Variants in LARGE1 observed in about 807,000 individuals in gnomAD.
LARGE1 encodes xylosyl- and glucuronyltransferase LARGE1.
Under a neutral mutation model 87.6 loss-of-function variants are expected in LARGE1, and 43 were observed. That is an observed-to-expected ratio of 0.49 (90% CI 0.38 to 0.63). LARGE1 has a LOEUF of 0.63. LARGE1 is among the 30% of genes least tolerant of loss of function. The pLI is 0.00. For missense variants in LARGE1, 802 were observed against 1,000.2 expected, an observed-to-expected ratio of 0.80 and a Z score of 2.67; for synonymous variants, 434 against 394.6, an observed-to-expected ratio of 1.10 and a Z score of -1.18.
intron 5 of LARGE1, among the ~76,000 whole-genome samples, chr22:33,568,564 C>A (rs935070833): frequency 3.9e-5 from 6 of 152,096 alleles, no homozygotes; most frequent in African/African-American, 1.4e-4. Context: ...GTTGGGAGTT[C>A]GAGACCAGCC....
chr22:33,218,511 C>G (rs1391072933), intron 11 of LARGE1, among the ~76,000 whole-genome samples: 2 of 152,172 alleles, frequency 1.3e-5, no homozygotes, highest in African/African-American at 4.8e-5. Flanking sequence ...TCTTCCAAAT[C>G]CCCATAACAC....
chr22:33,480,189 C>A (rs897422116), intron 6 of LARGE1, among the ~76,000 whole-genome samples: 3 of 152,174 alleles, frequency 2.0e-5, no homozygotes, highest in Non-Finnish European at 4.4e-5. Context: ...GGAACAGGCA[C>A]CCTGGACGGC....
intron 2 of LARGE1, among the ~76,000 whole-genome samples, chr22:33,671,778 A>G (rs1029779663): frequency 1.3e-5 from 2 of 152,290 alleles, no homozygotes; most frequent in East Asian, 1.9e-4. Flanking sequence ...AGCATGTGGG[A>G]GTTATTGATA....
At chr22:33,570,973 A>G (rs2078183725) in intron 5 of LARGE1, among the ~76,000 whole-genome samples, 1 of 152,120 alleles carries the variant, frequency 6.6e-6, no homozygotes, top group African/African-American at 2.4e-5. Flanking sequence ...CCCCATAGAG[A>G]AGTCAACACC....
chr22:33,502,627 GGC>G (rs1425590621), intron 6 of LARGE1, among the ~76,000 whole-genome samples: 35 of 152,202 alleles, frequency 2.3e-4, no homozygotes, highest in African/African-American at 8.4e-4. Context: ...GGAGTGCAGT[GGC>G]GTGATCTCGG....
chr22:33,238,481 T>G (rs1034897148), intron 11 of LARGE1, among the ~76,000 whole-genome samples: 5 of 152,156 alleles, frequency 3.3e-5, no homozygotes, highest in South Asian at 2.1e-4. Flanking sequence ...ATTAGAACAT[T>G]TAAACAATCT....
rs111657762 is a variant in LARGE1, at chr22:33,305,844, C to CTT, written c.1452-1339_1452-1338dup. ...ACCAGAAACATTTCTTTTTCTTTTT[C>CTT]TTTTTTTTTTTTTTGAGGCGGAGTC... On this transcript the variant is annotated intron_variant, in intron 11 of 14. Transcript: ENST00000397394. Among the ~76,000 whole-genome samples, 279 of 136,880 alleles carry CTT rather than the reference C, an allele frequency of 2.0e-3. 2 individuals carry two copies. Among genetic ancestry groups the CTT allele is most frequent in the African/African-American group, 5.7e-3 (200 of 34,922 alleles). The allele number at this position is 136,880 out of a possible 152,430, so 89.8% of individuals were successfully genotyped here. A position where few individuals can be genotyped will look rare whatever the true frequency, so the allele number is the denominator to read the frequency against.
chr22:33,205,997 C>T (rs189507361), intron 11 of LARGE1, among the ~76,000 whole-genome samples: 87 of 135,434 alleles, frequency 6.4e-4, no homozygotes, highest in Non-Finnish European at 1.0e-3. Context: ...CTCTGTTGTC[C>T]AGGCTGGAGT....
At chr22:33,813,438 C>T (rs1403516351) in intron 1 of LARGE1, among the ~76,000 whole-genome samples, 2 of 152,074 alleles carry the variant, frequency 1.3e-5, no homozygotes, top group Admixed American at 6.6e-5. Context: ...GTCCCACACA[C>T]ACATCTTGGT....
At position 33,604,665 on chromosome 22, in the gene LARGE1, C is replaced by T. The variant is rs558057160; in HGVS notation, c.492-107G>A. On this transcript the variant is annotated intron_variant, in intron 4 of 14. Transcript: ENST00000397394. ...TTCCTACGGTGGGGCACGTTTCTAACGGCAATTGTGAAAGTAAATCTGGAA... is the reference window on the plus strand; with the variant it reads ...TTCCTACGGTGGGGCACGTTTCTAATGGCAATTGTGAAAGTAAATCTGGAA... 2.5e-5 allele frequency: 35 copies of T among 1,412,162 alleles called. No homozygotes were observed. In the East Asian group the frequency reaches 3.0e-4, roughly 12 times the overall value. 87.5% of individuals were successfully genotyped at this position (1,412,162 alleles called of 1,614,324 possible).
At chr22:33,519,231 C>CGTGTGT (rs769245398) in intron 6 of LARGE1, among the ~76,000 whole-genome samples, 56 of 134,634 alleles carry the variant, frequency 4.2e-4, no homozygotes, top group African/African-American at 8.4e-4. Flanking sequence ...CGTGCGTGCG[C>CGTGTGT]GCGCGTGTGT....
chr22:33,497,952 G>A (rs1283572333), intron 6 of LARGE1, among the ~76,000 whole-genome samples: 2 of 152,092 alleles, frequency 1.3e-5, no homozygotes, highest in Admixed American at 6.6e-5. Flanking sequence ...GTATCATCTC[G>A]GCTCACTGCA....
At position 33,469,886 on chromosome 22, in the gene LARGE1, C is replaced by CTTT. The variant is rs537465362; in HGVS notation, c.788-37624_788-37622dup. Reference sequence around the variant, plus strand: ...CCATCTATTGGGTGCTATGTTTACTCTTTTTTTTTTTTTTTTTTTCTGACA... The same window carrying CTTT: ...CCATCTATTGGGTGCTATGTTTACTCTTTTTTTTTTTTTTTTTTTTTTCTGACA... On this transcript the variant is annotated intron_variant, in intron 6 of 14. Coordinates refer to ENST00000397394, the MANE Select transcript of LARGE1 (RefSeq NM_133642.5). Among the ~76,000 whole-genome samples the CTTT allele has an allele frequency of 4.3e-5, 5 of 117,016 alleles. No individual in the cohort carries two copies. In the East Asian group the frequency reaches 7.5e-4, roughly 18 times the overall value. The allele number at this position is 117,016 out of a possible 152,430, so 76.8% of individuals were successfully genotyped here. A position where few individuals can be genotyped will look rare whatever the true frequency, so the allele number is the denominator to read the frequency against.
At chr22:33,511,394 T>C (rs2071047933) in intron 6 of LARGE1, among the ~76,000 whole-genome samples, 1 of 152,160 alleles carries the variant, frequency 6.6e-6, no homozygotes, top group Non-Finnish European at 1.5e-5. Flanking sequence ...TTTAAAGAGG[T>C]TTTCTGTGTT....
At chr22:33,448,791 A>G (rs1253429695) in intron 6 of LARGE1, among the ~76,000 whole-genome samples, 1 of 150,960 alleles carries the variant, frequency 6.6e-6, no homozygotes, top group Non-Finnish European at 1.5e-5. Context: ...TTTTAAGTGC[A>G]GTTCAGCAAA....
At chr22:33,537,174 G>A (rs1443014514) in intron 6 of LARGE1, among the ~76,000 whole-genome samples, 2 of 152,234 alleles carry the variant, frequency 1.3e-5, no homozygotes, top group African/African-American at 4.8e-5. Flanking sequence ...CACTACAAAT[G>A]ACGTGGCTTG....
rs1005863518 is a variant in LARGE1 at position 33,538,447 on chromosome 22, T to C, written c.787+26401A>G. Among the ~76,000 whole-genome samples, 14 of 152,328 alleles carry C rather than the reference T, an allele frequency of 9.2e-5. No homozygotes were observed. In the East Asian group the frequency reaches 2.7e-3, roughly 29 times the overall value. ...CATAGTAGGCATATTTCCATACATA[T>C]TTCTGAGCTGAATTGAAGCTAGTTA... On this transcript the variant is annotated intron_variant, in intron 6 of 14. Coordinates refer to ENST00000397394, the MANE Select transcript of LARGE1 (RefSeq NM_133642.5).
chr22:33,326,443 T>G (rs1937253204), intron 10 of LARGE1, among the ~76,000 whole-genome samples: 1 of 152,188 alleles, frequency 6.6e-6, no homozygotes. Context: ...ACCTTAATTC[T>G]GGGGGGCCTT....
chr22:33,244,189 G>A (rs1279864726), intron 11 of LARGE1, among the ~76,000 whole-genome samples: 1 of 151,874 alleles, frequency 6.6e-6, no homozygotes, highest in African/African-American at 2.4e-5. Context: ...TAGAGACGGG[G>A]CTTCACCATG....
Sources: allele counts gnomAD v4.1 joint callset (sites outside exome capture counted in the v4.1 genomes callset), GRCh38; gene constraint gnomAD v4.1.1; transcripts MANE v1.5; gene names NCBI Gene and HGNC (gene_info 2026-07-23, HGNC 2026-07-21).